The following ZPBP variants were observed in gnomAD, a reference collection of about 807,000 sequenced individuals.
ZPBP encodes zona pellucida-binding protein 1.
A neutral mutation model predicts 44.8 loss-of-function variants in ZPBP; 26 were observed. The observed-to-expected ratio is 0.58, with a 90% CI of 0.43 to 0.81. ZPBP has a LOEUF of 0.81. ZPBP is among the 30% of genes least tolerant of loss of function. The pLI, the probability that ZPBP is intolerant of heterozygous loss-of-function variation, is 0.00. For missense variants in ZPBP, 409 were observed against 434.0 expected, an observed-to-expected ratio of 0.94 and a Z score of 0.51; for synonymous variants, 174 against 153.2, an observed-to-expected ratio of 1.14 and a Z score of -1.00.
At chr7:50,063,105 A>G (rs1398583617) in intron 3 of ZPBP, among the ~76,000 whole-genome samples, 2 of 152,326 alleles carry the variant, frequency 1.3e-5, no homozygotes, top group East Asian at 1.9e-4. Flanking sequence ...ATGTTTTACG[A>G]CTGAGTTTAT....
chr7:50,051,218 C>G (rs967231965), intron 4 of ZPBP, among the ~76,000 whole-genome samples: 1 of 152,112 alleles, frequency 6.6e-6, no homozygotes. Context: ...AAATGCAAAT[C>G]AAAACCACCA....
intron 6 of ZPBP, among the ~76,000 whole-genome samples, chr7:50,015,899 AAGTC>A (rs1385825620): frequency 6.6e-6 from 1 of 152,196 alleles, no homozygotes; most frequent in East Asian, 1.9e-4. Flanking sequence ...TATTATTAAA[AAGTC>A]AGAAAATAAC....
chr7:49,849,065 G>A (rs1790071558), downstream of ZPBP, among the ~76,000 whole-genome samples: 1 of 152,080 alleles, frequency 6.6e-6, no homozygotes, highest in South Asian at 2.1e-4. Flanking sequence ...AAATGTGTTG[G>A]TGCGCTTCCC....
intron 7 of ZPBP, among the ~76,000 whole-genome samples, chr7:49,980,919 C>T (rs1210313819): frequency 2.0e-5 from 3 of 151,526 alleles, no homozygotes; most frequent in Admixed American, 1.3e-4. Flanking sequence ...AGATTAAAAG[C>T]CTTTTCATAA....
chr7:49,968,719 A>G (rs1796161010), intron 7 of ZPBP, among the ~76,000 whole-genome samples: 1 of 152,032 alleles, frequency 6.6e-6, no homozygotes, highest in South Asian at 2.1e-4. Flanking sequence ...AACATGAACA[A>G]TAAGATGACT....
chr7:49,958,948 A>G (rs1353321992), intron 7 of ZPBP, among the ~76,000 whole-genome samples: 1 of 152,198 alleles, frequency 6.6e-6, no homozygotes, highest in African/African-American at 2.4e-5. Context: ...AAAAAGGTAT[A>G]AATATTAACA....
intron 7 of ZPBP, among the ~76,000 whole-genome samples, chr7:49,976,267 C>T (rs1027433707): frequency 6.6e-6 from 1 of 152,180 alleles, no homozygotes; most frequent in Non-Finnish European, 1.5e-5. Context: ...TGCCATCCTG[C>T]ATGAACATGT....
chr7:49,972,781 A>G (rs1439176349), intron 7 of ZPBP, among the ~76,000 whole-genome samples: 2 of 152,096 alleles, frequency 1.3e-5, no homozygotes, highest in Non-Finnish European at 2.9e-5. Context: ...CAATCTTAGA[A>G]AAGAAAAAAG....
At chr7:49,903,718 C>T (rs1048509945) in intron 1 of ZPBP, among the ~76,000 whole-genome samples, 5 of 152,052 alleles carry the variant, frequency 3.3e-5, no homozygotes, top group Admixed American at 6.5e-5. Flanking sequence ...GAAGTGGCTA[C>T]GTTGTCTGGG....
chr7:49,991,141 A>T (rs1449815411), intron 6 of ZPBP, among the ~76,000 whole-genome samples: 1 of 152,140 alleles, frequency 6.6e-6, no homozygotes, highest in Non-Finnish European at 1.5e-5. Flanking sequence ...TAAAAAGGAG[A>T]TGGAAACACA....
At chr7:50,059,261 G>A (rs1187402234) in intron 3 of ZPBP, among the ~76,000 whole-genome samples, 1 of 152,098 alleles carries the variant, frequency 6.6e-6, no homozygotes, top group Non-Finnish European at 1.5e-5. Flanking sequence ...AGTGTTCATA[G>A]GGATGAAATT....
chr7:49,888,175 C>A (rs973940630), intron 2 of ZPBP, among the ~76,000 whole-genome samples: 1 of 152,150 alleles, frequency 6.6e-6, no homozygotes, highest in African/African-American at 2.4e-5. Context: ...TTTTCTGGAC[C>A]TTTTAAAAAA....
intron 6 of ZPBP, among the ~76,000 whole-genome samples, chr7:49,996,828 A>G (rs926874342): frequency 6.6e-6 from 1 of 152,214 alleles, no homozygotes; most frequent in African/African-American, 2.4e-5. Flanking sequence ...ATACGTCTGC[A>G]TATGTCAGAC....
At chr7:49,941,193 A>G (rs1794869093) in intron 7 of ZPBP, among the ~76,000 whole-genome samples, 1 of 152,192 alleles carries the variant, frequency 6.6e-6, no homozygotes, top group Non-Finnish European at 1.5e-5. Context: ...ACTTGGTGGA[A>G]ATGTAAAATG....
rs185246522 is a variant in ZPBP, at chr7:50,044,057, A to G, written c.488-12747T>C. Among the ~76,000 whole-genome samples the G allele has an allele frequency of 1.1e-4, 17 of 152,344 alleles. 1 individual carries two copies. The East Asian group carries it at 2.5e-3, about 22-fold the overall frequency. ...GTGGAAACTGGACAATCTGCTCCTGAATGACTACTGGGTAAATGACAAAAT... is the reference window on the plus strand; with the variant it reads ...GTGGAAACTGGACAATCTGCTCCTGGATGACTACTGGGTAAATGACAAAAT... On this transcript the variant is annotated intron_variant, in intron 4 of 7. Transcript: ENST00000046087.
chr7:50,073,338 A>G (rs1037742438), intron 3 of ZPBP, among the ~76,000 whole-genome samples: 5 of 152,062 alleles, frequency 3.3e-5, no homozygotes, highest in Admixed American at 1.3e-4. Context: ...AAAACACACT[A>G]CTTAAAAATA....
At chr7:50,090,891 A>C (rs553554438) in intron 1 of ZPBP, among the ~76,000 whole-genome samples, 1 of 151,944 alleles carries the variant, frequency 6.6e-6, no homozygotes, top group Non-Finnish European at 1.5e-5. Flanking sequence ...AATCTCCACA[A>C]TTTTCCATAG....
chr7:49,862,646 T>C (rs1003335014), intron 2 of ZPBP, among the ~76,000 whole-genome samples: 2 of 151,644 alleles, frequency 1.3e-5, no homozygotes, highest in Non-Finnish European at 2.9e-5. Flanking sequence ...TCTTCCTACT[T>C]TGATGTGTTT....
rs1289792710 is a variant in ZPBP at position 49,976,391 on chromosome 7, C to T, written c.961+6951G>A. Among the ~76,000 whole-genome samples, 4 of 152,182 alleles carry T rather than the reference C, an allele frequency of 2.6e-5. No homozygotes were observed. The East Asian group carries it at 7.7e-4, about 29-fold the overall frequency. ...TTATGTCTAATGGTGTTTTGATTTTCCATCATGTATGATGATATTTCCATC... is the reference window on the plus strand; with the variant it reads ...TTATGTCTAATGGTGTTTTGATTTTTCATCATGTATGATGATATTTCCATC... On this transcript the variant is annotated intron_variant, in intron 7 of 7. Coordinates refer to ENST00000046087, the MANE Select transcript of ZPBP (RefSeq NM_007009.3).
Sources: gnomAD v4.1 joint callset for allele counts (sites outside exome capture counted in the v4.1 genomes callset) on GRCh38, gnomAD v4.1.1 for gene constraint, MANE v1.5 for transcripts, NCBI Gene and HGNC (gene_info 2026-07-23, HGNC 2026-07-21) for gene names.